GPN1: variants seen among roughly 807,000 people sequenced by gnomAD.
GPN1 encodes ATP(GTP)-binding protein.
GPN1 carries 44 observed loss-of-function variants against 55.9 expected under a neutral mutation model. The observed-to-expected ratio is 0.79, with a 90% confidence interval of 0.62 to 1.01. The LOEUF is 1.01. GPN1 is among the 50% of genes least tolerant of loss of function. GPN1 has a pLI of 0.00. For missense variants in GPN1, 466 were observed against 462.8 expected, an observed-to-expected ratio of 1.01 and a Z score of -0.06; for synonymous variants, 179 against 162.5, an observed-to-expected ratio of 1.10 and a Z score of -0.77.
At chr2:27,645,946 T>C (rs767165908) in intron 12 of GPN1, among the ~76,000 whole-genome samples, 4 of 152,094 alleles carry the variant, frequency 2.6e-5, no homozygotes, top group African/African-American at 4.8e-5. Flanking sequence ...CCCAGGCTGG[T>C]CTCGAACTCC....
At chr2:27,638,801 T>A in intron 8 of GPN1, 84 bp from the exon 9 acceptor site, 1 of 1,134,638 alleles carries the variant, frequency 8.8e-7, no homozygotes, top group Non-Finnish European at 1.3e-6. Context: ...GATGATATGT[T>A]CTTTGCTGTC....
Position 27,630,180 on chromosome 2 carries a change from G to A in GPN1, c.205+228G>A, listed in dbSNP as rs565718118. On this transcript the variant is annotated intron_variant, in intron 2 of 13. Coordinates refer to ENST00000610189, the MANE Select transcript of GPN1 (RefSeq NM_007266.4). ...CAGGCACCTGTAATTCCAGCTACTC[G>A]GGAGGCTGAGGCAGGAGAGTTGCTT... 4.6e-5 allele frequency among the ~76,000 whole-genome samples: 7 copies of A among 152,112 alleles called. No individual in the cohort carries two copies. The East Asian group carries it at 1.2e-3, about 25-fold the overall frequency.
rs1673875906 is a variant in GPN1, at chr2:27,640,045, G to A, written c.720G>A (p.Val240=). ...GCATTTATGATGCTTTTTGGCAGGT[G>A]GTGGGTGTCTCTGCTGTTCTGGGTA... ...VLDEFYSSLR[V]VGVSAVLGTG... is the part of the protein sequence containing the mutation. Residue 240 remains valine, a splice_region_variant and synonymous_variant, in exon 10 of 14, where the codon GTG becomes GTA. Transcript: ENST00000610189. 4 of 1,603,532 alleles carry A rather than the reference G, an allele frequency of 2.5e-6. No individual in the cohort carries two copies. Among genetic ancestry groups the A allele is most frequent in the Non-Finnish European group, 3.4e-6 (4 of 1,170,668 alleles).
intron 13 of GPN1, among the ~76,000 whole-genome samples, 195 bp from the exon 14 acceptor site, chr2:27,649,920 T>C (rs577007816): frequency 3.2e-4 from 49 of 152,222 alleles, no homozygotes; most frequent in Non-Finnish European, 6.2e-4. Flanking sequence ...GAGGGAGGTA[T>C]TCTTTCTACT....
At chr2:27,646,344 A>C (rs1332190611) in intron 12 of GPN1, among the ~76,000 whole-genome samples, 1 of 152,200 alleles carries the variant, frequency 6.6e-6, no homozygotes, top group Non-Finnish European at 1.5e-5. Flanking sequence ...GCCCAGCCCC[A>C]GCTTGAAATT....
At chr2:27,630,378 C>G (rs13002853) in intron 2 of GPN1, among the ~76,000 whole-genome samples, 28,912 of 143,818 alleles carry the variant, frequency 0.2, 3,619 homozygotes, top group East Asian at 0.33. Flanking sequence ...CATTCCTAAA[C>G]AGCTTAGGTT....
rs995495647 is a variant in GPN1, at chr2:27,651,394, A to C, written c.*1194A>C. 1 of 152,356 alleles carries C rather than the reference A, an allele frequency of 6.6e-6. No individual in the cohort carries two copies. The highest frequency in any genetic ancestry group is 1.9e-4 in the East Asian group (1 of 5,332). 9.4% of individuals were successfully genotyped at this position (152,356 alleles called of 1,614,324 possible). ...TATGACATAATTCCAGACCAGGTGA[A>C]TCTCAAGATACTAATCCTCACATCA... On this transcript the variant is annotated 3_prime_UTR_variant, in exon 14 of 14. Transcript: ENST00000610189.
At chr2:27,644,531 G>A (rs1674121390) in intron 12 of GPN1, among the ~76,000 whole-genome samples, 1 of 151,696 alleles carries the variant, frequency 6.6e-6, no homozygotes, top group Non-Finnish European at 1.5e-5. Context: ...ATGTTAAAGA[G>A]GAATTCACCT....
At chr2:27,635,348 C>T (rs1217497090) in intron 7 of GPN1, 114 bp downstream of exon 7, 6 of 585,366 alleles carry the variant, frequency 1.0e-5, no homozygotes, top group Non-Finnish European at 1.7e-5. Context: ...GATTTGTGCT[C>T]ATTCAGATTT....
intron 3 of GPN1, 116 bp from the exon 4 acceptor site, chr2:27,631,718 G>T: frequency 1.4e-6 from 1 of 737,208 alleles, no homozygotes; most frequent in East Asian, 2.5e-5. Context: ...GGATTAGGTT[G>T]CCAGTATCCA....
At chr2:27,644,930 T>C (rs1399322201) in intron 12 of GPN1, among the ~76,000 whole-genome samples, 1 of 152,072 alleles carries the variant, frequency 6.6e-6, no homozygotes, top group African/African-American at 2.4e-5. Flanking sequence ...GTTCCATGCA[T>C]ACTTGAGTAT....
At chr2:27,630,531 A>G (rs1572950456) in intron 2 of GPN1, among the ~76,000 whole-genome samples, 1 of 150,712 alleles carries the variant, frequency 6.6e-6, no homozygotes, top group Non-Finnish European at 1.5e-5. Context: ...ATGCTGGGCT[A>G]GTTTTGTTTT....
At chr2:27,630,186 C>G (rs1053702917) in intron 2 of GPN1, among the ~76,000 whole-genome samples, 10 of 152,064 alleles carry the variant, frequency 6.6e-5, no homozygotes, top group African/African-American at 2.4e-4. Flanking sequence ...ACTCGGGAGG[C>G]TGAGGCAGGA....
At chr2:27,633,865 T>C (rs1161558057) in intron 5 of GPN1, among the ~76,000 whole-genome samples, 3 of 152,136 alleles carry the variant, frequency 2.0e-5, no homozygotes, top group Non-Finnish European at 2.9e-5. Flanking sequence ...TATGGTTGTT[T>C]TAGTCTGTCC....
intron 7 of GPN1, among the ~76,000 whole-genome samples, chr2:27,636,287 T>A (rs1012238983): frequency 6.6e-6 from 1 of 152,124 alleles, no homozygotes; most frequent in African/African-American, 2.4e-5. Context: ...CTCACTAGAT[T>A]AGTGCATTAA....
At chr2:27,642,954 T>TAC (rs1270219794) in intron 12 of GPN1, among the ~76,000 whole-genome samples, 42 of 46,846 alleles carry the variant, frequency 9.0e-4, no homozygotes, top group Middle Eastern at 0.012. Context: ...TATATATATA[T>TAC]ATATACACAC....
At chr2:27,648,009 G>A (rs1674323687) in intron 13 of GPN1, 66 bp downstream of exon 13, 1 of 903,464 alleles carries the variant, frequency 1.1e-6, no homozygotes, top group Non-Finnish European at 1.8e-6. Context: ...GTTTGCCCAG[G>A]AGTTTCTTGC....
At chr2:27,628,543 G>T (rs1356021723), upstream of GPN1, 3 of 1,551,356 alleles carry the variant, frequency 1.9e-6, no homozygotes, top group East Asian at 4.9e-5. Context: ...TAGTTTATTC[G>T]TTCGGTGCTC....
intron 9 of GPN1, 105 bp downstream of exon 9, chr2:27,639,136 A>G (rs1189423114): frequency 7.9e-6 from 7 of 889,188 alleles, no homozygotes; most frequent in Non-Finnish European, 1.2e-5. Flanking sequence ...TACCTACTGA[A>G]AAGTAACTTT....
Sources: allele counts gnomAD v4.1 joint callset (sites outside exome capture counted in the v4.1 genomes callset), GRCh38; gene constraint gnomAD v4.1.1; transcripts MANE v1.5; gene names NCBI Gene and HGNC (gene_info 2026-07-23, HGNC 2026-07-21).